The following TTC3 variants were observed in gnomAD, a reference collection of about 807,000 sequenced individuals.
TTC3 encodes tetratricopeptide repeat domain 3.
Under a neutral mutation model 249.6 loss-of-function variants are expected in TTC3, and 180 were observed. That is an observed-to-expected ratio of 0.72 (90% CI 0.64 to 0.82). TTC3 has a LOEUF of 0.82. Ranked by LOEUF, TTC3 falls within the 40% of genes least tolerant of loss-of-function variation. The pLI, the probability that TTC3 is intolerant of heterozygous loss-of-function variation, is 0.00. For synonymous variants in TTC3, 717 were observed against 805.0 expected, an observed-to-expected ratio of 0.89 and a Z score of 1.85; for missense variants, 2,061 against 2,398.4, an observed-to-expected ratio of 0.86 and a Z score of 2.94.
chr21:37,182,833 G>A lies in TTC3; in HGVS notation c.4677G>A (p.Trp1559Ter), dbSNP rs770045736. Reference sequence around the variant, plus strand: ...ATTTGGAAAGAGAAATTAAAAAATGGCAACAGGAAAAAAAAGAAATCCAAG... The same window carrying A: ...ATTTGGAAAGAGAAATTAAAAAATGACAACAGGAAAAAAAAGAAATCCAAG... Residue 1559 changes from tryptophan (W) to a stop codon, truncating the protein, a stop_gained, in exon 36 of 46, where the codon TGG (tryptophan) becomes TGA (stop). Coordinates refer to ENST00000355666, the Ensembl canonical transcript of TTC3. LOFTEE classifies it high-confidence loss of function. 5.0e-6 allele frequency: 8 copies of A among 1,591,956 alleles called. No individual in the cohort carries two copies. The highest frequency in any genetic ancestry group is 6.8e-6 in the Non-Finnish European group (8 of 1,173,334).
chr21:37,122,079 G>A, intron 12 of TTC3, 100 bp downstream of exon 12: 2 of 1,113,788 alleles, frequency 1.8e-6, no homozygotes, highest in Non-Finnish European at 2.5e-6. Flanking sequence ...TCAATCCTCA[G>A]ATGATTTATC....
Position 37,201,450 on chromosome 21 carries a change from A to G in TTC3, c.5954A>G (p.Gln1985Arg), listed in dbSNP as rs1319797453. 2 of 1,613,896 alleles carry G rather than the reference A, an allele frequency of 1.2e-6. No homozygotes were observed. The highest frequency in any genetic ancestry group is 2.2e-5 in the South Asian group (2 of 91,072). The change falls in exon 46 of 46, where the codon CAG becomes CGG. Residue 1985 changes from glutamine to arginine, a missense_variant. Physicochemically the swap from Gln to Arg is conservative, Grantham distance 43. Around this residue, in one of 3 missense-constraint regions of TTC3, gnomAD observed 1,040 missense variants for 1,186.1 expected, o/e 0.88. Coordinates refer to ENST00000355666, the Ensembl canonical transcript of TTC3. ...TTTTCTCCTTTTCAGTGCTTTAAGC[A>G]GTGGCTTAAAGGGCAGAGCGCTTGC...
chr21:37,090,339 T>A (rs1186300808), intron 6 of TTC3, 53 bp downstream of exon 6: 33 of 1,455,090 alleles, frequency 2.3e-5, no homozygotes, highest in Admixed American at 1.4e-4. Flanking sequence ...GTGGCAGTCA[T>A]CTCACTGCTC....
At chr21:37,100,559 A>C (rs1389140454) in intron 10 of TTC3, among the ~76,000 whole-genome samples, 2 of 152,216 alleles carry the variant, frequency 1.3e-5, no homozygotes, top group Non-Finnish European at 2.9e-5. Context: ...AAATAGTCAT[A>C]CAGTTTGTAA....
chr21:37,125,943 C>T, intron 14 of TTC3, 137 bp from the exon 15 acceptor site: 4 of 673,182 alleles, frequency 5.9e-6, no homozygotes, highest in Middle Eastern at 3.8e-4. Context: ...TACATTTAGG[C>T]TTAATAACCA....
At chr21:37,154,629 A>T (rs953466504) in intron 27 of TTC3, among the ~76,000 whole-genome samples, 4 of 152,138 alleles carry the variant, frequency 2.6e-5, no homozygotes, top group African/African-American at 9.7e-5. Context: ...GCAGCACTTG[A>T]GCCCTCCAGC....
intron 35 of TTC3, among the ~76,000 whole-genome samples, chr21:37,178,302 G>A (rs1284871590): frequency 6.6e-6 from 1 of 152,058 alleles, no homozygotes; most frequent in Non-Finnish European, 1.5e-5. Context: ...TTTTTCTTTG[G>A]ACATATGTTT....
chr21:37,178,473 C>A (rs1317622992), intron 35 of TTC3, among the ~76,000 whole-genome samples: 1 of 152,076 alleles, frequency 6.6e-6, no homozygotes, highest in Non-Finnish European at 1.5e-5. Context: ...CATCGTTTGT[C>A]TTTTTATTTA....
At chr21:37,099,821 G>T (rs1389864733) in intron 10 of TTC3, among the ~76,000 whole-genome samples, 3 of 152,148 alleles carry the variant, frequency 2.0e-5, no homozygotes, top group African/African-American at 7.2e-5. Flanking sequence ...TACCCAAGAA[G>T]ATATGTACAT....
chr21:37,196,151 T>C, intron 42 of TTC3, 115 bp downstream of exon 42: 1 of 1,390,406 alleles, frequency 7.2e-7, no homozygotes. Context: ...CATAATTGTT[T>C]TGCTCAGAAA....
chr21:37,088,247 A>G (rs1692231531), exon 4 of TTC3: 3 of 1,613,098 alleles, frequency 1.9e-6, no homozygotes, highest in Middle Eastern at 1.8e-4. Flanking sequence ...GTCCTGCAAG[A>G]TTATTGCGAT....
At chr21:37,156,932 A>G (rs1470202966) in intron 28 of TTC3, 26 bp downstream of exon 28, 5 of 1,600,286 alleles carry the variant, frequency 3.1e-6, no homozygotes, top group African/African-American at 1.3e-5. Context: ...TTAGACTTAT[A>G]TTACATTTAA....
intron 11 of TTC3, among the ~76,000 whole-genome samples, chr21:37,117,740 T>A (rs755370073): frequency 2.0e-5 from 3 of 150,550 alleles, no homozygotes. Flanking sequence ...CATGGTGGCA[T>A]GTGCCTATAA....
At chr21:37,088,631 A>G (rs2072841627) in intron 4 of TTC3, among the ~76,000 whole-genome samples, 168 bp from the exon 5 acceptor site, 1 of 152,236 alleles carries the variant, frequency 6.6e-6, no homozygotes, top group Non-Finnish European at 1.5e-5. Context: ...AAGAGAGGAA[A>G]AAGATACAGT....
chr21:37,134,018 T>C (rs563183524), intron 17 of TTC3, among the ~76,000 whole-genome samples: 28 of 152,368 alleles, frequency 1.8e-4, no homozygotes, highest in Middle Eastern at 3.4e-3. Flanking sequence ...TTTGTAGGGC[T>C]AGTATATCAT....
intron 26 of TTC3, 58 bp downstream of exon 26, chr21:37,152,087 G>A (rs2148012209): frequency 6.2e-6 from 9 of 1,453,992 alleles, no homozygotes; most frequent in African/African-American, 1.4e-5. Context: ...ATGTATAAAT[G>A]TAAGCATCTT....
intron 36 of TTC3, 22 bp downstream of exon 36, chr21:37,182,935 G>T: frequency 6.7e-7 from 1 of 1,497,288 alleles, no homozygotes. Context: ...TTGAAAGGCA[G>T]TAATTTTTAT....
chr21:37,195,736 C>T, exon 42 of TTC3: 1 of 1,614,092 alleles, frequency 6.2e-7, no homozygotes, highest in Admixed American at 1.7e-5. Context: ...GTGACTTCTG[C>T]AAGCGACGTG....
chr21:37,088,098 T>C, intron 3 of TTC3, 98 bp from the exon 4 acceptor site: 1 of 1,113,200 alleles, frequency 9.0e-7, no homozygotes, highest in Non-Finnish European at 1.3e-6. Flanking sequence ...ATTCATTTCT[T>C]CCCTCTCCAT....
Sources: allele counts gnomAD v4.1 joint callset (sites outside exome capture counted in the v4.1 genomes callset), GRCh38; gene constraint gnomAD v4.1.1; regional missense constraint gnomAD v4.1.1; transcripts MANE v1.5; gene names NCBI Gene and HGNC (gene_info 2026-07-23, HGNC 2026-07-21).